The following KLHL28 variants were observed in gnomAD, a reference collection of about 807,000 sequenced individuals.
KLHL28 encodes the protein kelch like family member 28.
KLHL28 carries 22 observed loss-of-function variants against 48.3 expected under a neutral mutation model. The ratio of observed to expected loss-of-function variants is 0.46; its 90% CI spans 0.33 to 0.65. The LOEUF (loss-of-function observed/expected upper bound fraction) is 0.65. KLHL28 is among the 30% of genes least tolerant of loss of function. The probability of loss-of-function intolerance (pLI) is 0.03; values close to 1 mark genes in which losing one functional copy is unlikely to be tolerated. For missense variants in KLHL28, 527 were observed against 704.3 expected (o/e 0.75, Z 2.85); for synonymous variants, 243 against 242.4 (o/e 1.00, Z -0.02).
At chr14:44,931,709 A>G (rs1283081338) in intron 3 of KLHL28, among the ~76,000 whole-genome samples, 168 bp from the exon 4 acceptor site, 1 of 152,220 alleles carries the variant, frequency 6.6e-6, no homozygotes, top group Non-Finnish European at 1.5e-5. Context: ...TGCAAAGATA[A>G]AAGCTTACCT....
At chr14:44,935,626 A>G (rs1442525870) in intron 2 of KLHL28, among the ~76,000 whole-genome samples, 1 of 151,792 alleles carries the variant, frequency 6.6e-6, no homozygotes, top group Non-Finnish European at 1.5e-5. Flanking sequence ...TGTAAAACCT[A>G]ACAATATATT....
Position 44,927,298 on chromosome 14 carries a change from G to A in KLHL28, c.*1730C>T, listed in dbSNP as rs888351360. On this transcript the variant is annotated 3_prime_UTR_variant, in exon 5 of 5. Coordinates refer to ENST00000396128, the MANE Select transcript of KLHL28 (RefSeq NM_017658.5). ...ATGGAAGAACAAAGAACTGTAAATT[G>A]CCCGGCTATAGTATTCAAGAAATAA... 2.0e-5 allele frequency: 3 copies of A among 152,536 alleles called. No individual in the cohort carries two copies. Among genetic ancestry groups the A allele is most frequent in the Non-Finnish European group, 4.4e-5 (3 of 67,984 alleles). 9.4% of individuals were successfully genotyped at this position (152,536 alleles called of 1,614,324 possible).
chr14:44,938,371 T>TTAA (rs144288954), intron 2 of KLHL28, among the ~76,000 whole-genome samples: 4 of 151,568 alleles, frequency 2.6e-5, no homozygotes, highest in African/African-American at 9.7e-5. Context: ...AGGAAAACAT[T>TTAA]GTCTTCTTTT....
At chr14:44,944,656 C>T (rs541244122) in intron 2 of KLHL28, among the ~76,000 whole-genome samples, 1 of 152,186 alleles carries the variant, frequency 6.6e-6, no homozygotes, top group South Asian at 2.1e-4. Context: ...GTTCCTAGTT[C>T]TCTTCTTTGC....
In KLHL28 at chr14:44,928,530, G is replaced by T. The variant is rs1054165885; in HGVS notation, c.*498C>A. The T allele has an allele frequency of 3.3e-5, 5 of 151,974 alleles. No homozygotes were observed. The highest frequency in any genetic ancestry group is 5.9e-5 in the Non-Finnish European group (4 of 68,028). The allele number at this position is 151,974 out of a possible 1,614,324, so 9.4% of individuals were successfully genotyped here. A position where few individuals can be genotyped will look rare whatever the true frequency, so the allele number is the denominator to read the frequency against. On this transcript the variant is annotated 3_prime_UTR_variant, in exon 5 of 5. Coordinates refer to ENST00000396128, the MANE Select transcript of KLHL28 (RefSeq NM_017658.5). ...ACCTTTAAAAGTACCAAAATAAAAA[G>T]CAGCCCTTTGTTTGTTTTAAAACAA...
At chr14:44,941,615 C>T (rs763449585) in intron 2 of KLHL28, among the ~76,000 whole-genome samples, 7 of 135,820 alleles carry the variant, frequency 5.2e-5, no homozygotes, top group African/African-American at 1.4e-4. Flanking sequence ...GCAACAACAG[C>T]GAAACTCTGT....
chr14:44,950,072 T>A (rs1437912198), intron 1 of KLHL28, among the ~76,000 whole-genome samples: 2 of 152,002 alleles, frequency 1.3e-5, no homozygotes, highest in African/African-American at 4.8e-5. Context: ...GTCTGAGTTA[T>A]CACATGAAAA....
At chr14:44,929,689 TC>T (rs1238156483) in intron 4 of KLHL28, among the ~76,000 whole-genome samples, 1 of 152,034 alleles carries the variant, frequency 6.6e-6, no homozygotes, top group Non-Finnish European at 1.5e-5. Flanking sequence ...AAAAACAAAA[TC>T]CTTATAATAA....
chr14:44,947,230 C>G (rs375331056), intron 1 of KLHL28, among the ~76,000 whole-genome samples: 2 of 152,142 alleles, frequency 1.3e-5, no homozygotes, highest in Non-Finnish European at 2.9e-5. Flanking sequence ...GAGGCAGAGA[C>G]TAGAGTGCTG....
intron 1 of KLHL28, 22 bp from the exon 2 acceptor site, chr14:44,945,950 T>C (rs760772713): frequency 1.8e-5 from 29 of 1,588,032 alleles, no homozygotes; most frequent in Admixed American, 5.1e-5. Flanking sequence ...TAAAAAAGCA[T>C]AGACAGTTAT....
intron 1 of KLHL28, among the ~76,000 whole-genome samples, chr14:44,952,706 TATA>T (rs1884632499): frequency 6.6e-6 from 1 of 152,124 alleles, no homozygotes; most frequent in African/African-American, 2.4e-5. Flanking sequence ...GCTCAAAAAC[TATA>T]ATGCCTTCAA....
At chr14:44,935,890 G>GTGTGTATA in intron 2 of KLHL28, among the ~76,000 whole-genome samples, 1 of 59,094 alleles carries the variant, frequency 1.7e-5, no homozygotes, top group East Asian at 5.1e-4. Flanking sequence ...ATATATGTGT[G>GTGTGTATA]TATATATATA....
intron 1 of KLHL28, among the ~76,000 whole-genome samples, chr14:44,951,243 TAG>T (rs1347442835): frequency 6.6e-6 from 1 of 151,994 alleles, no homozygotes; most frequent in Admixed American, 6.6e-5. Flanking sequence ...GTAGGGGAAA[TAG>T]AGAGGTGAGT....
intron 3 of KLHL28, among the ~76,000 whole-genome samples, chr14:44,932,958 G>A (rs1337344783): frequency 6.6e-6 from 1 of 152,152 alleles, no homozygotes; most frequent in Non-Finnish European, 1.5e-5. Context: ...ATTTGTAGAG[G>A]ATTGGTTCCA....
chr14:44,950,415 C>A (rs1290250081), intron 1 of KLHL28, among the ~76,000 whole-genome samples: 1 of 152,114 alleles, frequency 6.6e-6, no homozygotes, highest in African/African-American at 2.4e-5. Context: ...AATTAGGAAT[C>A]ACATAGTGAT....
chr14:44,941,832 G>A (rs920606301), intron 2 of KLHL28, among the ~76,000 whole-genome samples: 2 of 151,832 alleles, frequency 1.3e-5, no homozygotes, highest in Non-Finnish European at 2.9e-5. Context: ...TTCCCCTACC[G>A]CTAAAATTGT....
Position 44,934,497 on chromosome 14 carries a change from G to A in KLHL28, c.961C>T (p.Arg321Cys), listed in dbSNP as rs1484184211. 4 of 1,613,456 alleles carry A rather than the reference G, an allele frequency of 2.5e-6. No individual in the cohort carries two copies. Among genetic ancestry groups the A allele is most frequent in the Non-Finnish European group, 3.4e-6 (4 of 1,179,710 alleles). The part of the protein sequence containing the change: ...WIGLAPLNIP[R>C]YEFGICVLDQ... ...AAAACGCATATTCCAAATTCATAGCGAGGAATGTTTAGGGGTGCCAAACCA... is the reference window on the plus strand; with the variant it reads ...AAAACGCATATTCCAAATTCATAGCAAGGAATGTTTAGGGGTGCCAAACCA... Residue 321 changes from arginine to cysteine, a missense_variant, in exon 3 of 5, where the codon CGC becomes TGC. By Grantham distance (180) the Arg-to-Cys change is radical (BLOSUM62 -3). Transcript: ENST00000396128.
At position 44,945,763 on chromosome 14, in the gene KLHL28, C is replaced by A; in HGVS notation, c.166G>T (p.Val56Phe). ...AACATAGCTTTGAAATACGGGCTGA[C>A]GCTGGCAAGTACCACTTTGTGAGCA... ...IHAHKVVLAS[V>F]SPYFKAMFTG... The change falls in exon 2 of 5, where the codon GTC (valine) becomes TTC (phenylalanine). Residue 56 changes from valine (V) to phenylalanine (F), a missense_variant. Physicochemically the swap from Val to Phe is conservative, Grantham distance 50 (BLOSUM62 -1). Coordinates refer to ENST00000396128, the MANE Select transcript of KLHL28 (RefSeq NM_017658.5). 1 of 1,614,134 alleles carries A rather than the reference C, an allele frequency of 6.2e-7. No homozygotes were observed. The highest frequency in any genetic ancestry group is 8.5e-7 in the Non-Finnish European group (1 of 1,180,028).
At chr14:44,939,521 AT>A (rs1883981980) in intron 2 of KLHL28, among the ~76,000 whole-genome samples, 1 of 152,132 alleles carries the variant, frequency 6.6e-6, no homozygotes, top group Non-Finnish European at 1.5e-5. Flanking sequence ...GCACCTTACT[AT>A]ATGCAGTTAA....
Sources: gnomAD v4.1 joint callset for allele counts (sites outside exome capture counted in the v4.1 genomes callset) on GRCh38, gnomAD v4.1.1 for gene constraint, MANE v1.5 for transcripts, NCBI Gene and HGNC (gene_info 2026-07-23, HGNC 2026-07-21) for gene names.